Variants in ANKRD12 observed in about 807,000 individuals in gnomAD.
The protein encoded by ANKRD12 is ankyrin repeat domain-containing protein 12.
Under a neutral mutation model 183.4 loss-of-function variants are expected in ANKRD12, and 85 were observed. The observed-to-expected ratio is 0.46, with a 90% confidence interval of 0.39 to 0.56. The LOEUF is 0.56. Among genes scored for constraint, ANKRD12 ranks in the 20% least tolerant of loss-of-function variants. The probability of loss-of-function intolerance (pLI) is 0.00; values close to 1 mark genes in which losing one functional copy is unlikely to be tolerated. For synonymous variants in ANKRD12, 914 were observed against 800.2 expected, an observed-to-expected ratio of 1.14 and a Z score of -2.40; for missense variants, 2,405 against 2,357.1, an observed-to-expected ratio of 1.02 and a Z score of -0.42.
chr18:9,154,333 G>A (rs1352051552), intron 1 of ANKRD12, among the ~76,000 whole-genome samples: 1 of 152,048 alleles, frequency 6.6e-6, no homozygotes, highest in Non-Finnish European at 1.5e-5. Context: ...CAGGTGGGAG[G>A]ATTGATCACT....
At chr18:9,243,957 G>A (rs555375869) in intron 8 of ANKRD12, among the ~76,000 whole-genome samples, 1 of 152,290 alleles carries the variant, frequency 6.6e-6, no homozygotes, top group East Asian at 1.9e-4. Context: ...CAAACATGGT[G>A]AAACCGGTTT....
intron 2 of ANKRD12, among the ~76,000 whole-genome samples, chr18:9,184,108 T>A (rs1413950655): frequency 1.3e-5 from 2 of 152,196 alleles, no homozygotes; most frequent in African/African-American, 2.4e-5. Context: ...TTTGTGTTAT[T>A]TATATAACAT....
intron 1 of ANKRD12, among the ~76,000 whole-genome samples, chr18:9,171,052 T>G (rs143550113): frequency 6.6e-6 from 1 of 152,234 alleles, no homozygotes; most frequent in African/African-American, 2.4e-5. Flanking sequence ...TGCTGCCTGA[T>G]TGTTCCTCTG....
chr18:9,255,654 C>G lies in ANKRD12; in HGVS notation c.2387C>G (p.Ser796Cys), dbSNP rs774026584. The change falls in exon 9 of 13, where the codon TCT becomes TGT. Residue 796 changes from serine (S) to cysteine (C), a missense_variant. Around this residue, in one of 7 missense-constraint regions of ANKRD12, gnomAD observed 1,983 missense variants for 1,725.9 expected, o/e 1.15. Transcript: ENST00000262126. The part of the protein sequence containing the change: ...TSLGMSAIEE[S>C]IGLHLVEKEI... ...TTGGGTATGAGTGCCATTGAGGAAT[C>G]TATAGGGCTTCATTTAGTGGAAAAG... 1 of 1,585,420 alleles carries G rather than the reference C, an allele frequency of 6.3e-7. No homozygotes were observed. The highest frequency in any genetic ancestry group is 8.5e-7 in the Non-Finnish European group (1 of 1,172,838).
At chr18:9,150,835 A>G (rs1016677896) in intron 1 of ANKRD12, among the ~76,000 whole-genome samples, 1 of 151,974 alleles carries the variant, frequency 6.6e-6, no homozygotes, top group Non-Finnish European at 1.5e-5. Context: ...TTGTATTTTC[A>G]GTAGAGACAG....
intron 3 of ANKRD12, chr18:9,200,412 GA>G (rs1270780121): frequency 1.3e-5 from 2 of 152,122 alleles, no homozygotes; most frequent in Non-Finnish European, 2.9e-5. Context: ...TGAACCTATG[GA>G]AGCAAAAAGC....
intron 10 of ANKRD12, among the ~76,000 whole-genome samples, chr18:9,267,214 C>T (rs139839450): frequency 6.6e-6 from 1 of 152,098 alleles, no homozygotes; most frequent in African/African-American, 2.4e-5. Context: ...GACAGATCAA[C>T]GAGAGAAAGT....
chr18:9,173,781 GA>G (rs1222415857), intron 1 of ANKRD12, among the ~76,000 whole-genome samples: 1 of 152,186 alleles, frequency 6.6e-6, no homozygotes, highest in African/African-American at 2.4e-5. Flanking sequence ...CAGGTGTGCT[GA>G]ATTGGGGGTA....
chr18:9,201,029 T>C (rs2035134112), intron 3 of ANKRD12, among the ~76,000 whole-genome samples: 1 of 152,190 alleles, frequency 6.6e-6, no homozygotes, highest in African/African-American at 2.4e-5. Context: ...CCTGGTGAGA[T>C]TTGGCCTTTT....
rs1173807973 is a variant in ANKRD12, at chr18:9,256,649, C to T, written c.3382C>T (p.His1128Tyr). ...LKIKDKEKTK[H>Y]TPTESKNKEL... Reference sequence around the variant, plus strand: ...AATAAAAGATAAAGAAAAAACAAAGCATACACCAACTGAATCCAAAAATAA... The same window carrying T: ...AATAAAAGATAAAGAAAAAACAAAGTATACACCAACTGAATCCAAAAATAA... Residue 1128 changes from histidine (H) to tyrosine (Y), a missense_variant, in exon 9 of 13, where the codon CAT (histidine) becomes TAT (tyrosine). His to Tyr is a moderately conservative substitution (Grantham distance 83). Transcript: ENST00000262126. 6.2e-7 allele frequency: 1 copy of T among 1,608,424 alleles called. No individual in the cohort carries two copies. Among genetic ancestry groups the T allele is most frequent in the Non-Finnish European group, 8.5e-7 (1 of 1,178,750 alleles).
At chr18:9,191,533 G>A (rs2034455367) in intron 2 of ANKRD12, among the ~76,000 whole-genome samples, 1 of 151,990 alleles carries the variant, frequency 6.6e-6, no homozygotes, top group Non-Finnish European at 1.5e-5. Context: ...TAGCTGCAAG[G>A]GAGAAGGGAT....
chr18:9,225,002 T>G (rs1324436158), intron 8 of ANKRD12, among the ~76,000 whole-genome samples: 1 of 152,096 alleles, frequency 6.6e-6, no homozygotes, highest in Middle Eastern at 3.2e-3. Context: ...TTCCAGGAGC[T>G]GAACCCAGGA....
At chr18:9,152,705 G>C (rs964035064) in intron 1 of ANKRD12, among the ~76,000 whole-genome samples, 3 of 151,682 alleles carry the variant, frequency 2.0e-5, no homozygotes, top group African/African-American at 7.3e-5. Context: ...ATGTTCATTT[G>C]TTTTCAAAGG....
chr18:9,154,215 A>G (rs72935265), intron 1 of ANKRD12, among the ~76,000 whole-genome samples: 11,232 of 152,212 alleles, frequency 0.074, 433 homozygotes, highest in African/African-American at 0.084. Context: ...TGAGCCCAGC[A>G]GTTCAAGACC....
intron 10 of ANKRD12, among the ~76,000 whole-genome samples, chr18:9,270,088 G>C (rs1482357704): frequency 1.3e-5 from 2 of 152,156 alleles, no homozygotes; most frequent in Admixed American, 6.5e-5. Flanking sequence ...AGTTAGAATG[G>C]CGATCATTAA....
chr18:9,262,380 C>G (rs781277108), intron 9 of ANKRD12, among the ~76,000 whole-genome samples: 2 of 152,196 alleles, frequency 1.3e-5, no homozygotes, highest in Non-Finnish European at 2.9e-5. Flanking sequence ...AATACAAATT[C>G]TCCAAGGGGT....
At chr18:9,219,868 C>T (rs1283152495) in intron 7 of ANKRD12, among the ~76,000 whole-genome samples, 4 of 152,148 alleles carry the variant, frequency 2.6e-5, no homozygotes, top group Non-Finnish European at 4.4e-5. Flanking sequence ...CACATCCTCT[C>T]CCCAGTCTTA....
At position 9,275,636 on chromosome 18, in the gene ANKRD12, C is replaced by T. The variant is rs1407870898; in HGVS notation, c.5876C>T (p.Ala1959Val). ...AGTGCTTGTACTGTTTTGCTGGATG[C>T]CGAAGTATACAATGTACCATTGGAC... ...PFSACTVLLD[A>V]EVYNVPLDSQ... is the part of the protein sequence containing the mutation. The change falls in exon 11 of 13, where the codon GCC becomes GTC. Residue 1959 changes from alanine to valine, a missense_variant. Ala to Val is a moderately conservative substitution (Grantham distance 64, BLOSUM62 0). Around this residue, in one of 7 missense-constraint regions of ANKRD12, gnomAD observed 162 missense variants for 272.2 expected, o/e 0.60. Coordinates refer to ENST00000262126, the MANE Select transcript of ANKRD12 (RefSeq NM_015208.5). The T allele has an allele frequency of 1.9e-6, 3 of 1,603,320 alleles. No individual in the cohort carries two copies. Among genetic ancestry groups the T allele is most frequent in the Non-Finnish European group, 2.6e-6 (3 of 1,172,284 alleles).
At chr18:9,244,656 A>G (rs567439742) in intron 8 of ANKRD12, among the ~76,000 whole-genome samples, 5 of 152,202 alleles carry the variant, frequency 3.3e-5, no homozygotes, top group Non-Finnish European at 7.3e-5. Context: ...TGTTGAGGAT[A>G]TGATGGCATT....
Sources: gnomAD v4.1 joint callset for allele counts (sites outside exome capture counted in the v4.1 genomes callset) on GRCh38, gnomAD v4.1.1 for gene constraint, gnomAD v4.1.1 regional missense constraint, MANE v1.5 for transcripts, NCBI Gene and HGNC (gene_info 2026-07-23, HGNC 2026-07-21) for gene names.